The following DLGAP2 variants were observed in gnomAD, a reference collection of about 807,000 sequenced individuals.
DLGAP2 encodes the protein disks large-associated protein 2.
In DLGAP2, 26 loss-of-function variants were observed where a neutral mutation model predicts 100.3. The observed-to-expected ratio is 0.26, with a 90% CI of 0.19 to 0.36. The LOEUF (loss-of-function observed/expected upper bound fraction) is 0.36, where lower values mean the gene tolerates loss of function less well. DLGAP2 is among the 10% of genes least tolerant of loss of function. DLGAP2 has a pLI of 1.00. For synonymous variants in DLGAP2, 886 were observed against 630.1 expected (o/e 1.41, Z -6.08); for missense variants, 1,858 against 1,453.2 (o/e 1.28, Z -4.53).
At chr8:1,330,554 C>T (rs187584294) in intron 3 of DLGAP2, among the ~76,000 whole-genome samples, 60 of 114,746 alleles carry the variant, frequency 5.2e-4, no homozygotes, top group African/African-American at 1.7e-3. Flanking sequence ...GTGGGAGCAC[C>T]GCTTCACAGG....
In DLGAP2 at chr8:1,565,877, G is replaced by A. The variant is rs776089084; in HGVS notation, c.1425G>A (p.Pro475=). Residue 475 remains proline, a synonymous_variant, in exon 6 of 15, where the codon CCG becomes CCA. Transcript: ENST00000637795. ...EPLLKSIGQR[P]LGEHQTQTYL... is the part of the protein sequence containing the mutation. ...TGCTGAAGTCCATCGGACAGAGACC[G>A]CTTGGAGAGCACCAGACGTAAGTGA... The A allele has an allele frequency of 8.8e-5, 141 of 1,607,170 alleles. No individual in the cohort carries two copies. In the Admixed American group the frequency reaches 1.5e-3, roughly 18 times the overall value.
chr8:1,483,075 A>C (rs961080846), intron 3 of DLGAP2, among the ~76,000 whole-genome samples: 2 of 152,160 alleles, frequency 1.3e-5, no homozygotes, highest in East Asian at 1.9e-4. Flanking sequence ...GGAGAGGCGC[A>C]AGGGAGCCCC....
At chr8:1,138,984 G>A (rs771858497) in intron 2 of DLGAP2, among the ~76,000 whole-genome samples, 6 of 152,328 alleles carry the variant, frequency 3.9e-5, no homozygotes, top group Middle Eastern at 3.4e-3. Context: ...TGGCCTGTGC[G>A]GCTGGTGGGA....
At chr8:1,698,189 G>A (rs115512581) in intron 14 of DLGAP2, among the ~76,000 whole-genome samples, 1 of 152,188 alleles carries the variant, frequency 6.6e-6, no homozygotes, top group Non-Finnish European at 1.5e-5. Flanking sequence ...TGGATCCACA[G>A]GTTCCCTCTC....
chr8:940,113 CAG>C (rs1009981409), intron 2 of DLGAP2, among the ~76,000 whole-genome samples: 1 of 152,062 alleles, frequency 6.6e-6, no homozygotes, highest in Non-Finnish European at 1.5e-5. Flanking sequence ...TGTGGAAAGA[CAG>C]TGGGGCGTGG....
chr8:742,843 G>T (rs1820519772), intron 1 of DLGAP2, among the ~76,000 whole-genome samples: 1 of 152,076 alleles, frequency 6.6e-6, no homozygotes, highest in African/African-American at 2.4e-5. Context: ...CCGTATTTCA[G>T]TTTTCTCATC....
At chr8:1,352,337 G>A (rs150040894) in intron 3 of DLGAP2, among the ~76,000 whole-genome samples, 9 of 151,550 alleles carry the variant, frequency 5.9e-5, no homozygotes, top group African/African-American at 1.2e-4. Flanking sequence ...TGTGTGGAAA[G>A]GCTGTGCTCC....
intron 2 of DLGAP2, among the ~76,000 whole-genome samples, chr8:1,031,556 G>A (rs1801972636): frequency 6.6e-6 from 1 of 152,002 alleles, no homozygotes; most frequent in Non-Finnish European, 1.5e-5. Flanking sequence ...GGACTATAGG[G>A]TGCATGTCAC....
At chr8:1,642,060 G>C (rs570346397) in intron 8 of DLGAP2, among the ~76,000 whole-genome samples, 10 of 21,958 alleles carry the variant, frequency 4.6e-4, no homozygotes, top group South Asian at 3.4e-3. Context: ...TGTCACCCTC[G>C]ACCCCGCCGG....
At chr8:949,985 A>G (rs951420232) in intron 2 of DLGAP2, among the ~76,000 whole-genome samples, 1 of 152,214 alleles carries the variant, frequency 6.6e-6, no homozygotes, top group African/African-American at 2.4e-5. Context: ...AAAGCGAGGC[A>G]CACACACAAA....
chr8:783,063 A>G (rs532146417), intron 1 of DLGAP2, among the ~76,000 whole-genome samples: 12 of 152,352 alleles, frequency 7.9e-5, no homozygotes, highest in South Asian at 6.2e-4. Flanking sequence ...TAAAGTTACA[A>G]CAAAGATTCT....
intron 3 of DLGAP2, among the ~76,000 whole-genome samples, chr8:1,449,277 T>A (rs1289777541): frequency 6.6e-6 from 1 of 152,152 alleles, no homozygotes. Flanking sequence ...TCCGGGGTAA[T>A]TGTTCTGAGA....
At chr8:1,279,231 C>T (rs754613092) in intron 3 of DLGAP2, among the ~76,000 whole-genome samples, 4 of 152,114 alleles carry the variant, frequency 2.6e-5, no homozygotes, top group Non-Finnish European at 5.9e-5. Context: ...GCGCTAAAGT[C>T]CTTGGATTAT....
intron 3 of DLGAP2, among the ~76,000 whole-genome samples, chr8:1,429,155 T>TA (rs1280075308): frequency 2.6e-5 from 4 of 152,172 alleles, no homozygotes; most frequent in African/African-American, 9.6e-5. Flanking sequence ...AATCCCTACT[T>TA]AGAGTTAATT....
At chr8:973,551 G>C (rs1370433717) in intron 2 of DLGAP2, among the ~76,000 whole-genome samples, 3 of 152,236 alleles carry the variant, frequency 2.0e-5, no homozygotes, top group Non-Finnish European at 4.4e-5. Context: ...CTTCTTTCCA[G>C]ATGGGGTGGC....
chr8:1,386,548 C>A (rs1174438940), intron 3 of DLGAP2, among the ~76,000 whole-genome samples: 3 of 152,156 alleles, frequency 2.0e-5, no homozygotes, highest in Admixed American at 6.5e-5. Flanking sequence ...ACACCACCGG[C>A]CAGATGTGAG....
intron 3 of DLGAP2, among the ~76,000 whole-genome samples, chr8:1,350,224 C>A (rs1357316623): frequency 7.0e-6 from 1 of 143,804 alleles, no homozygotes; most frequent in African/African-American, 2.6e-5. Context: ...CGTGCGGGTC[C>A]TGAGTGTGCG....
intron 1 of DLGAP2, among the ~76,000 whole-genome samples, chr8:744,948 T>C (rs1359485628): frequency 6.6e-6 from 1 of 152,196 alleles, no homozygotes; most frequent in Non-Finnish European, 1.5e-5. Flanking sequence ...CCGCATGCTG[T>C]CCTCAGTGCA....
chr8:797,645 T>G (rs1473548213), intron 1 of DLGAP2, among the ~76,000 whole-genome samples: 2 of 152,250 alleles, frequency 1.3e-5, no homozygotes, highest in African/African-American at 4.8e-5. Context: ...CCCTCATTGA[T>G]GGCTGCACTG....
Sources: gnomAD v4.1 joint callset for allele counts (sites outside exome capture counted in the v4.1 genomes callset) on GRCh38, gnomAD v4.1.1 for gene constraint, MANE v1.5 for transcripts, NCBI Gene and HGNC (gene_info 2026-07-23, HGNC 2026-07-21) for gene names.